Variants in NRXN1 observed in about 807,000 individuals in gnomAD.
NRXN1 encodes the protein neurexin 1.
NRXN1 carries 39 observed loss-of-function variants against 150.9 expected under a neutral mutation model. The ratio of observed to expected loss-of-function variants is 0.26; its 90% CI spans 0.20 to 0.34. NRXN1 has a LOEUF of 0.34. Among genes scored for constraint, NRXN1 ranks in the 10% least tolerant of loss-of-function variants. The pLI is 1.00. For synonymous variants in NRXN1, 924 were observed against 757.0 expected (o/e 1.22, Z -3.62); for missense variants, 1,815 against 1,949.9 (o/e 0.93, Z 1.30).
chr2:50,831,436 T>C (rs1293100525), intron 5 of NRXN1, among the ~76,000 whole-genome samples: 2 of 152,140 alleles, frequency 1.3e-5, no homozygotes, highest in Admixed American at 1.3e-4. Flanking sequence ...CAGTCACAAT[T>C]AGACTATGTT....
intron 18 of NRXN1, among the ~76,000 whole-genome samples, chr2:50,104,561 T>C (rs1366850627): frequency 1.3e-5 from 2 of 152,036 alleles, no homozygotes; most frequent in African/African-American, 2.4e-5. Context: ...GTGATGATGA[T>C]AATGATGATG....
At chr2:50,478,860 G>C (rs1255784355) in intron 15 of NRXN1, among the ~76,000 whole-genome samples, 1 of 152,116 alleles carries the variant, frequency 6.6e-6, no homozygotes, top group African/African-American at 2.4e-5. Context: ...CTACTGCCAA[G>C]GGGTGAATGA....
chr2:50,326,702 A>G (rs1350388587), intron 17 of NRXN1, among the ~76,000 whole-genome samples: 1 of 152,166 alleles, frequency 6.6e-6, no homozygotes, highest in Non-Finnish European at 1.5e-5. Context: ...ATATAATTAT[A>G]TTCTATGTAC....
chr2:50,534,416 A>AT (rs1558895360), intron 10 of NRXN1, among the ~76,000 whole-genome samples: 3 of 152,190 alleles, frequency 2.0e-5, no homozygotes, highest in East Asian at 1.9e-4. Flanking sequence ...ATAATATCAT[A>AT]TTTTTTTCCA....
At position 50,471,877 on chromosome 2, in the gene NRXN1, CTTAAAA is replaced by C. The variant is rs144801285; in HGVS notation, c.3244+415_3244+420del. Among the ~76,000 whole-genome samples, 439 of 151,774 alleles carry C rather than the reference CTTAAAA, an allele frequency of 2.9e-3. 3 individuals are homozygous for C. The highest frequency in any genetic ancestry group is 0.01 in the African/African-American group (424 of 41,450). On this transcript the variant is annotated intron_variant, in intron 16 of 22. Transcript: ENST00000401669. ...CAAACTTGCACATGTACCCCCTGGA[CTTAAAA>C]TTAAAACAAAAAGAATGTAGATTTT...
At chr2:50,381,381 G>C (rs1406125009) in intron 17 of NRXN1, among the ~76,000 whole-genome samples, 1 of 151,990 alleles carries the variant, frequency 6.6e-6, no homozygotes. Context: ...ACTCTTAAAG[G>C]ATGAATTACC....
intron 6 of NRXN1, among the ~76,000 whole-genome samples, chr2:50,622,021 C>T (rs1248591355): frequency 6.6e-6 from 1 of 152,086 alleles, no homozygotes; most frequent in Non-Finnish European, 1.5e-5. Context: ...TCAAATGAGC[C>T]TCTGGTTTCT....
intron 18 of NRXN1, among the ~76,000 whole-genome samples, chr2:50,133,730 T>C (rs773649486): frequency 9.2e-5 from 14 of 152,158 alleles, no homozygotes; most frequent in Non-Finnish European, 1.8e-4. Context: ...CAAGAAATCA[T>C]AGACTTCTGG....
intron 17 of NRXN1, among the ~76,000 whole-genome samples, chr2:50,353,245 T>G (rs146327201): frequency 1.3e-5 from 2 of 152,144 alleles, no homozygotes; most frequent in African/African-American, 2.4e-5. Context: ...GGTGCTTAAG[T>G]ACCAAGTCAG....
intron 17 of NRXN1, among the ~76,000 whole-genome samples, chr2:50,363,193 T>C (rs1244976680): frequency 6.6e-6 from 1 of 152,172 alleles, no homozygotes; most frequent in African/African-American, 2.4e-5. Flanking sequence ...AAAGACTGCA[T>C]GACTAAAACA....
intron 17 of NRXN1, among the ~76,000 whole-genome samples, chr2:50,270,515 A>G (rs1195969090): frequency 2.0e-5 from 3 of 152,260 alleles, no homozygotes; most frequent in East Asian, 3.9e-4. Context: ...CTTTCTCCAG[A>G]AAAATAAAAG....
intron 17 of NRXN1, among the ~76,000 whole-genome samples, chr2:50,253,687 T>C (rs963281659): frequency 2.6e-5 from 4 of 152,196 alleles, no homozygotes; most frequent in African/African-American, 9.6e-5. Context: ...TTTTTGTCTT[T>C]AGTTCTTTTT....
At chr2:50,406,891 T>C (rs1184576997) in intron 17 of NRXN1, among the ~76,000 whole-genome samples, 1 of 150,894 alleles carries the variant, frequency 6.6e-6, no homozygotes, top group African/African-American at 2.4e-5. Context: ...TTTTTCATAG[T>C]GAATCTTTAA....
chr2:50,474,888 G>T (rs945281855), intron 15 of NRXN1, among the ~76,000 whole-genome samples: 1 of 126,318 alleles, frequency 7.9e-6, no homozygotes, highest in African/African-American at 3.0e-5. Flanking sequence ...GAGTTATTTA[G>T]ATATGACACA....
chr2:50,778,383 G>C (rs934487462), intron 5 of NRXN1, among the ~76,000 whole-genome samples: 1 of 152,174 alleles, frequency 6.6e-6, no homozygotes, highest in Non-Finnish European at 1.5e-5. Context: ...TAAATAGACT[G>C]TTACTGTGCT....
intron 2 of NRXN1, among the ~76,000 whole-genome samples, chr2:50,940,869 A>C (rs751271135): frequency 6.6e-6 from 1 of 152,198 alleles, no homozygotes; most frequent in Non-Finnish European, 1.5e-5. Context: ...CAGAATTTGC[A>C]AATTACAAAA....
chr2:50,690,751 A>T (rs1170284688), intron 5 of NRXN1, among the ~76,000 whole-genome samples: 1 of 152,156 alleles, frequency 6.6e-6, no homozygotes, highest in Non-Finnish European at 1.5e-5. Context: ...ATGATAATTT[A>T]TTTGGTATAA....
chr2:50,894,674 G>T (rs1347151241), intron 5 of NRXN1, among the ~76,000 whole-genome samples: 1 of 151,974 alleles, frequency 6.6e-6, no homozygotes, highest in African/African-American at 2.4e-5. Context: ...ATAATGGTGA[G>T]CCATGTGGTT....
chr2:50,665,808 T>TG (rs1226591999), intron 5 of NRXN1, among the ~76,000 whole-genome samples: 7 of 151,794 alleles, frequency 4.6e-5, no homozygotes, highest in African/African-American at 1.7e-4. Flanking sequence ...TGTAGAACTG[T>TG]GAAAAAAAGG....
Sources: gnomAD v4.1 joint callset for allele counts (sites outside exome capture counted in the v4.1 genomes callset) on GRCh38, gnomAD v4.1.1 for gene constraint, MANE v1.5 for transcripts, NCBI Gene and HGNC (gene_info 2026-07-23, HGNC 2026-07-21) for gene names.